CNTNAP2: variants seen among roughly 807,000 people sequenced by gnomAD.
CNTNAP2 encodes the protein contactin-associated protein-like 2.
In CNTNAP2, 98 loss-of-function variants were observed where a neutral mutation model predicts 155.2. The ratio of observed to expected loss-of-function variants is 0.63; its 90% confidence interval spans 0.54 to 0.75. The LOEUF is 0.75. Among genes scored for constraint, CNTNAP2 ranks in the 30% least tolerant of loss-of-function variants. The pLI, the probability that CNTNAP2 is intolerant of heterozygous loss-of-function variation, is 0.00. For synonymous variants in CNTNAP2, 651 were observed against 631.2 expected (o/e 1.03, Z -0.47); for missense variants, 1,727 against 1,688.1 (o/e 1.02, Z -0.40).
chr7:146,354,425 T>TTTG (rs1242691998), intron 1 of CNTNAP2, among the ~76,000 whole-genome samples: 1 of 151,086 alleles, frequency 6.6e-6, no homozygotes. Context: ...TTTTTTTTTT[T>TTTG]TTTGTTTGAG....
intron 1 of CNTNAP2, among the ~76,000 whole-genome samples, chr7:146,224,816 T>A (rs2116903194): frequency 6.6e-6 from 1 of 152,218 alleles, no homozygotes. Context: ...ATTTGGATAA[T>A]TCATGTGTCT....
intron 10 of CNTNAP2, among the ~76,000 whole-genome samples, chr7:147,396,185 A>ATATATATGATATATGC (rs1796813246): frequency 4.9e-5 from 1 of 20,450 alleles, no homozygotes; most frequent in South Asian, 1.1e-3. Flanking sequence ...TATATAGCAT[A>ATATATATGATATATGC]TATATATATA....
Position 147,762,792 on chromosome 7 carries a change from A to G in CNTNAP2, c.2098+123486A>G, listed in dbSNP as rs575781323. Among the ~76,000 whole-genome samples, 372 of 130,200 alleles carry G rather than the reference A, an allele frequency of 2.9e-3. 2 individuals carry two copies. The highest frequency in any genetic ancestry group is 0.013 in the African/African-American group (350 of 26,048). The allele number at this position is 130,200 out of a possible 152,430, so 85.4% of individuals were successfully genotyped here. A position where few individuals can be genotyped will look rare whatever the true frequency, so the allele number is the denominator to read the frequency against. On this transcript the variant is annotated intron_variant, in intron 13 of 23. Coordinates refer to ENST00000361727, the MANE Select transcript of CNTNAP2 (RefSeq NM_014141.6). ...GGAAGGAAGGAAGGGGAAGGGGAAG[A>G]GGAGGAAGGGAAGGAAGGGAAGGAA...
At chr7:147,735,700 G>A (rs922368142) in intron 13 of CNTNAP2, among the ~76,000 whole-genome samples, 2 of 152,134 alleles carry the variant, frequency 1.3e-5, no homozygotes, top group Non-Finnish European at 2.9e-5. Context: ...ATCAATCTGG[G>A]TGCTCCTGTA....
intron 10 of CNTNAP2, among the ~76,000 whole-genome samples, chr7:147,441,448 G>C (rs577985936): frequency 6.6e-6 from 1 of 152,202 alleles, no homozygotes; most frequent in Non-Finnish European, 1.5e-5. Context: ...TGTTTCTCCA[G>C]GGTTGGTTCC....
intron 3 of CNTNAP2, among the ~76,000 whole-genome samples, chr7:146,885,586 G>A (rs1402384842): frequency 6.6e-6 from 1 of 152,030 alleles, no homozygotes; most frequent in African/African-American, 2.4e-5. Flanking sequence ...AATATAAATG[G>A]ATATCTTTAA....
intron 1 of CNTNAP2, among the ~76,000 whole-genome samples, chr7:146,322,827 T>G (rs1801029580): frequency 6.6e-6 from 1 of 151,902 alleles, no homozygotes; most frequent in South Asian, 2.1e-4. Flanking sequence ...GTGGATGGTT[T>G]ATCGCATGAT....
At chr7:147,688,091 C>T (rs1032248310) in intron 13 of CNTNAP2, among the ~76,000 whole-genome samples, 2 of 152,064 alleles carry the variant, frequency 1.3e-5, no homozygotes, top group Non-Finnish European at 2.9e-5. Flanking sequence ...CTACATGGTA[C>T]CTTCCACCAA....
At chr7:147,036,460 C>G (rs2129252157) in intron 3 of CNTNAP2, among the ~76,000 whole-genome samples, 1 of 152,242 alleles carries the variant, frequency 6.6e-6, no homozygotes, top group African/African-American at 2.4e-5. Context: ...GACAAGAACT[C>G]TAAAAGTAGA....
intron 13 of CNTNAP2, among the ~76,000 whole-genome samples, chr7:147,840,958 T>C (rs1798718066): frequency 6.6e-6 from 1 of 152,182 alleles, no homozygotes; most frequent in African/African-American, 2.4e-5. Context: ...AAGCATAATC[T>C]AGGTGACCTC....
intron 1 of CNTNAP2, among the ~76,000 whole-genome samples, chr7:146,744,059 G>A (rs572329316): frequency 2.6e-5 from 4 of 151,382 alleles, no homozygotes; most frequent in East Asian, 1.9e-4. Flanking sequence ...AAACTCTGTC[G>A]CTACTAAAAA....
At chr7:148,294,772 G>A (rs768494050) in intron 21 of CNTNAP2, among the ~76,000 whole-genome samples, 66 of 151,908 alleles carry the variant, frequency 4.3e-4, no homozygotes, top group Non-Finnish European at 5.4e-4. Context: ...TTTTCCTTAC[G>A]AACACTAATT....
At chr7:148,026,440 G>A (rs932429219) in intron 15 of CNTNAP2, among the ~76,000 whole-genome samples, 15 of 152,034 alleles carry the variant, frequency 9.9e-5, no homozygotes, top group African/African-American at 3.6e-4. Flanking sequence ...GACAGAACAA[G>A]ACCCCGTCTC....
intron 9 of CNTNAP2, among the ~76,000 whole-genome samples, chr7:147,342,008 A>G (rs766474659): frequency 6.6e-6 from 1 of 152,146 alleles, no homozygotes; most frequent in Non-Finnish European, 1.5e-5. Flanking sequence ...GAGCACCAGC[A>G]TGGTGGAGTT....
intron 13 of CNTNAP2, among the ~76,000 whole-genome samples, chr7:147,644,186 G>A (rs1354129610): frequency 1.3e-5 from 2 of 152,084 alleles, no homozygotes; most frequent in Non-Finnish European, 2.9e-5. Flanking sequence ...CCCAAACAGA[G>A]AAAAATCATT....
At chr7:147,009,961 G>A (rs1798593036) in intron 3 of CNTNAP2, among the ~76,000 whole-genome samples, 1 of 150,820 alleles carries the variant, frequency 6.6e-6, no homozygotes, top group African/African-American at 2.4e-5. Context: ...CAATGCTCCA[G>A]TATGCTCCAG....
chr7:148,333,829 C>T (rs979853263), intron 21 of CNTNAP2, among the ~76,000 whole-genome samples: 1 of 151,376 alleles, frequency 6.6e-6, no homozygotes, highest in Non-Finnish European at 1.5e-5. Context: ...CTTCCCAGGC[C>T]TTGAGGTACA....
At chr7:148,187,871 C>T (rs1048868074) in intron 18 of CNTNAP2, among the ~76,000 whole-genome samples, 1 of 152,114 alleles carries the variant, frequency 6.6e-6, no homozygotes, top group African/African-American at 2.4e-5. Context: ...CAAGAGTATG[C>T]TTGAGCAGTC....
chr7:146,488,828 C>G (rs983564440), intron 1 of CNTNAP2, among the ~76,000 whole-genome samples: 1 of 152,042 alleles, frequency 6.6e-6, no homozygotes, highest in Non-Finnish European at 1.5e-5. Flanking sequence ...TCCACGTTGC[C>G]CAGGCTAGCC....
Sources: gnomAD v4.1 joint callset for allele counts (sites outside exome capture counted in the v4.1 genomes callset) on GRCh38, gnomAD v4.1.1 for gene constraint, MANE v1.5 for transcripts, NCBI Gene and HGNC (gene_info 2026-07-23, HGNC 2026-07-21) for gene names.